ZDHHC21: variants seen among roughly 807,000 people sequenced by gnomAD.
ZDHHC21 encodes the protein zDHHC palmitoyltransferase 21.
A neutral mutation model predicts 34.6 loss-of-function variants in ZDHHC21; 15 were observed. The ratio of observed to expected loss-of-function variants is 0.43; its 90% CI spans 0.29 to 0.67. The LOEUF is 0.67. Among genes scored for constraint, ZDHHC21 ranks in the 30% least tolerant of loss-of-function variants. The probability of loss-of-function intolerance (pLI) is 0.14; values close to 1 mark genes in which losing one functional copy is unlikely to be tolerated. For synonymous variants in ZDHHC21, 142 were observed against 101.8 expected (o/e 1.40, Z -2.38); for missense variants, 344 against 327.7 (o/e 1.05, Z -0.38).
At chr9:14,653,447 T>C (rs1485556500) in intron 7 of ZDHHC21, among the ~76,000 whole-genome samples, 1 of 152,044 alleles carries the variant, frequency 6.6e-6, no homozygotes, top group Non-Finnish European at 1.5e-5. Flanking sequence ...ACTGCTGAAG[T>C]AAGAACATTA....
At chr9:14,626,840 T>C (rs533385699) in intron 8 of ZDHHC21, among the ~76,000 whole-genome samples, 2 of 152,172 alleles carry the variant, frequency 1.3e-5, no homozygotes, top group Middle Eastern at 3.4e-3. Flanking sequence ...TAATTAACTT[T>C]CTAGGTTTTA....
intron 3 of ZDHHC21, among the ~76,000 whole-genome samples, chr9:14,679,452 T>G (rs1836988369): frequency 6.6e-6 from 1 of 152,158 alleles, no homozygotes; most frequent in African/African-American, 2.4e-5. Flanking sequence ...AGAAAAAATA[T>G]GCAGGTATGT....
chr9:14,595,275 C>G, the ZDHHC21 span, among the ~76,000 whole-genome samples: 3 of 152,036 alleles, frequency 2.0e-5, no homozygotes, highest in African/African-American at 7.2e-5. Flanking sequence ...CATCAACTGA[C>G]AAATGGATAA....
chr9:14,622,925 T>C (rs1825554381), intron 8 of ZDHHC21, among the ~76,000 whole-genome samples: 1 of 152,008 alleles, frequency 6.6e-6, no homozygotes, highest in Admixed American at 6.6e-5. Flanking sequence ...TTATTATAGG[T>C]CTTGTTGATG....
At chr9:14,645,879 T>C (rs773049425) in intron 7 of ZDHHC21, among the ~76,000 whole-genome samples, 24 of 152,144 alleles carry the variant, frequency 1.6e-4, no homozygotes, top group Non-Finnish European at 3.4e-4. Flanking sequence ...TGCTCATACA[T>C]ACCAAATGGC....
At chr9:14,622,748 C>G in intron 8 of ZDHHC21, 1 of 985,194 alleles carries the variant, frequency 1.0e-6, no homozygotes, top group Non-Finnish European at 1.2e-6. Flanking sequence ...TCTTTTGAGT[C>G]TGGAAGTAAG....
chr9:14,626,135 A>G (rs937561356), intron 8 of ZDHHC21, among the ~76,000 whole-genome samples: 2 of 152,136 alleles, frequency 1.3e-5, no homozygotes, highest in East Asian at 1.9e-4. Flanking sequence ...TTATACTTTG[A>G]TAAGATTTTT....
chr9:14,622,861 T>A (rs1488732654), intron 8 of ZDHHC21, among the ~76,000 whole-genome samples: 1 of 152,134 alleles, frequency 6.6e-6, no homozygotes, highest in Non-Finnish European at 1.5e-5. Flanking sequence ...ATTCTTTTCA[T>A]TAGACTCCTT....
At chr9:14,620,094 T>A (rs1358617430) in intron 8 of ZDHHC21, among the ~76,000 whole-genome samples, 2 of 151,894 alleles carry the variant, frequency 1.3e-5, no homozygotes, top group African/African-American at 4.8e-5. Flanking sequence ...TGCCTAAGAG[T>A]CAGGGTGCTA....
intron 7 of ZDHHC21, among the ~76,000 whole-genome samples, chr9:14,646,568 C>T (rs1830310125): frequency 6.6e-6 from 1 of 151,880 alleles, no homozygotes; most frequent in African/African-American, 2.4e-5. Context: ...ATCTCATCTA[C>T]CACTTTCTTC....
At chr9:14,681,579 G>T (rs975458440) in intron 2 of ZDHHC21, among the ~76,000 whole-genome samples, 13 of 152,064 alleles carry the variant, frequency 8.5e-5, no homozygotes, top group African/African-American at 3.1e-4. Context: ...ATTTTAGGAG[G>T]AAAAGACACA....
At position 14,611,319 on chromosome 9, in the gene ZDHHC21, C is replaced by A. The variant is rs1338858611; in HGVS notation, c.*7647G>T. The A allele has an allele frequency of 6.6e-6, 1 of 151,910 alleles. No homozygotes were observed. Among genetic ancestry groups the A allele is most frequent in the African/African-American group, 2.4e-5 (1 of 41,396 alleles). The allele number at this position is 151,910 out of a possible 1,614,324, so 9.4% of individuals were successfully genotyped here. On this transcript the variant is annotated 3_prime_UTR_variant, in exon 10 of 10. Transcript: ENST00000380916. ...TTTCATCTAAACAAATACATCTCAG[C>A]TACATGGTTCCCACTTGTCATTTCA...
chr9:14,644,412 A>C (rs1829928941), intron 7 of ZDHHC21, among the ~76,000 whole-genome samples: 1 of 152,088 alleles, frequency 6.6e-6, no homozygotes, highest in African/African-American at 2.4e-5. Context: ...AAGAATAATA[A>C]TGGTGATAGT....
chr9:14,630,575 TTCCAGAAGGTTTTCAATGTACTTTC>T (rs752837546), intron 8 of ZDHHC21, among the ~76,000 whole-genome samples: 1 of 152,190 alleles, frequency 6.6e-6, no homozygotes. Flanking sequence ...GGTAAATCTT[TTCCAGAAGGTTTTCAATGTACTTTC>T]TCCAGATCCA....
the ZDHHC21 span, among the ~76,000 whole-genome samples, chr9:14,600,972 T>C: frequency 6.6e-6 from 1 of 152,134 alleles, no homozygotes; most frequent in African/African-American, 2.4e-5. Flanking sequence ...AACTGACCCC[T>C]TCCTTACACC....
At chr9:14,628,925 G>A (rs1448542087) in intron 8 of ZDHHC21, among the ~76,000 whole-genome samples, 1 of 152,086 alleles carries the variant, frequency 6.6e-6, no homozygotes, top group Non-Finnish European at 1.5e-5. Context: ...TCAATGTGAG[G>A]AAGAGTATAT....
intron 3 of ZDHHC21, among the ~76,000 whole-genome samples, chr9:14,676,057 G>A (rs949915917): frequency 1.3e-5 from 2 of 152,030 alleles, no homozygotes; most frequent in Non-Finnish European, 2.9e-5. Flanking sequence ...TGAATTCTTC[G>A]GCAATGGAAA....
chr9:14,604,357 T>C, the ZDHHC21 span, among the ~76,000 whole-genome samples: 1 of 152,202 alleles, frequency 6.6e-6, no homozygotes, highest in African/African-American at 2.4e-5. Flanking sequence ...GGCCCAAATC[T>C]ACATTAATAA....
chr9:14,691,406 G>A (rs1342831268), intron 1 of ZDHHC21, among the ~76,000 whole-genome samples: 5 of 152,084 alleles, frequency 3.3e-5, no homozygotes, highest in African/African-American at 1.2e-4. Flanking sequence ...AGCTATATGT[G>A]GGTCACATTT....
Sources: allele counts gnomAD v4.1 joint callset (sites outside exome capture counted in the v4.1 genomes callset), GRCh38; gene constraint gnomAD v4.1.1; transcripts MANE v1.5; gene names NCBI Gene and HGNC (gene_info 2026-07-23, HGNC 2026-07-21).